The following ARHGAP26 variants were observed in gnomAD, a reference collection of about 807,000 sequenced individuals.
ARHGAP26 encodes the protein Rho GTPase activating protein 26.
Under a neutral mutation model 104.8 loss-of-function variants are expected in ARHGAP26, and 38 were observed. The observed-to-expected ratio is 0.36, with a 90% CI of 0.28 to 0.48. The LOEUF (loss-of-function observed/expected upper bound fraction) is 0.48. Among genes scored for constraint, ARHGAP26 ranks in the 20% least tolerant of loss-of-function variants. The pLI, the probability that ARHGAP26 is intolerant of heterozygous loss-of-function variation, is 0.99. For missense variants in ARHGAP26, 704 were observed against 947.9 expected (o/e 0.74, Z 3.38); for synonymous variants, 341 against 340.0 (o/e 1.00, Z -0.03).
chr5:143,111,938 T>C (rs1562447196), intron 17 of ARHGAP26, among the ~76,000 whole-genome samples: 1 of 152,146 alleles, frequency 6.6e-6, no homozygotes, highest in East Asian at 1.9e-4. Context: ...TTAACCCAGG[T>C]ACCTAGTGCA....
intron 1 of ARHGAP26, among the ~76,000 whole-genome samples, chr5:142,850,005 G>T (rs972091175): frequency 5.9e-5 from 9 of 152,088 alleles, no homozygotes; most frequent in Admixed American, 2.0e-4. Flanking sequence ...TCTAAACTAG[G>T]CCCCAGCCAG....
At chr5:143,209,788 A>T (rs1809151000) in intron 21 of ARHGAP26, among the ~76,000 whole-genome samples, 1 of 152,166 alleles carries the variant, frequency 6.6e-6, no homozygotes, top group South Asian at 2.1e-4. Flanking sequence ...CTCAAAAAAA[A>T]AAAAAATAGT....
At chr5:142,771,071 C>T in intron 1 of ARHGAP26, 156 bp downstream of exon 1, 1 of 1,370,202 alleles carries the variant, frequency 7.3e-7, no homozygotes, top group Non-Finnish European at 9.5e-7. Flanking sequence ...ATACGTAAAG[C>T]GGGCGAACCA....
rs1800115799 is a variant in ARHGAP26, at chr5:143,153,679, A to G, written c.1988+6298A>G. Among the ~76,000 whole-genome samples the G allele has an allele frequency of 3.3e-5, 5 of 152,344 alleles. No individual in the cohort carries two copies. In the South Asian group the frequency reaches 8.3e-4, roughly 25 times the overall value. On this transcript the variant is annotated intron_variant, in intron 20 of 22. Transcript: ENST00000645722. ...CTGGGATGATTACTGCAATGATGGA[A>G]CCCAACCTTGGAGTTCTCTCTGCCT...
At chr5:143,097,272 G>T (rs1343058155) in intron 17 of ARHGAP26, among the ~76,000 whole-genome samples, 1 of 150,454 alleles carries the variant, frequency 6.6e-6, no homozygotes, top group Non-Finnish European at 1.5e-5. Context: ...TTGAACCTGG[G>T]ACGTGGAGGT....
rs914593091 is a variant in ARHGAP26, at chr5:143,228,018, G to A, written c.*5572G>A. The A allele has an allele frequency of 1.4e-5, 3 of 220,214 alleles. No individual in the cohort carries two copies. The highest frequency in any genetic ancestry group is 2.2e-5 in the African/African-American group (1 of 44,606). 13.6% of individuals were successfully genotyped at this position (220,214 alleles called of 1,614,324 possible). The stretch of plus-strand genomic sequence containing the variant: ...GTGTGGGTATGACATGACATGACAT[G>A]TCCATGTCAAAATTCACTTTAGTCA... On this transcript the variant is annotated 3_prime_UTR_variant, in exon 23 of 23. Transcript: ENST00000645722.
chr5:142,924,792 T>C (rs1341956875), intron 10 of ARHGAP26, among the ~76,000 whole-genome samples: 1 of 152,238 alleles, frequency 6.6e-6, no homozygotes, highest in African/African-American at 2.4e-5. Flanking sequence ...TGCCTTCCAG[T>C]GATGGCACTG....
intron 2 of ARHGAP26, among the ~76,000 whole-genome samples, chr5:142,874,393 G>A (rs1755776072): frequency 6.6e-6 from 1 of 152,238 alleles, no homozygotes; most frequent in Non-Finnish European, 1.5e-5. Context: ...CTGTTGCCAT[G>A]TAGAACATCA....
rs563710178 is a variant in ARHGAP26, at chr5:142,838,118, A to G, written c.155-35282A>G. On this transcript the variant is annotated intron_variant, in intron 1 of 22. Coordinates refer to ENST00000645722, the MANE Select transcript of ARHGAP26 (RefSeq NM_001135608.3). ...CTAAAAATACGAAAATTAGCTGGGCATAGTGGGTGGGCACCTATAATCCCA... is the reference window on the plus strand; with the variant it reads ...CTAAAAATACGAAAATTAGCTGGGCGTAGTGGGTGGGCACCTATAATCCCA... Among the ~76,000 whole-genome samples, 218 of 152,252 alleles carry G rather than the reference A, an allele frequency of 1.4e-3. No homozygotes were observed. In the South Asian group the frequency reaches 0.021, roughly 15 times the overall value.
chr5:142,843,819 G>T (rs933738778), intron 1 of ARHGAP26, among the ~76,000 whole-genome samples: 1 of 152,080 alleles, frequency 6.6e-6, no homozygotes, highest in African/African-American at 2.4e-5. Flanking sequence ...TCTGCAGAAG[G>T]TGACACTGTG....
chr5:143,104,276 G>A (rs190981375), intron 17 of ARHGAP26, among the ~76,000 whole-genome samples: 124 of 152,216 alleles, frequency 8.1e-4, no homozygotes, highest in African/African-American at 2.8e-3. Flanking sequence ...CTGGGAAGCC[G>A]AAGCAGGTGG....
intron 17 of ARHGAP26, among the ~76,000 whole-genome samples, chr5:143,069,546 A>G (rs1008008045): frequency 8.5e-5 from 13 of 152,226 alleles, no homozygotes; most frequent in African/African-American, 2.9e-4. Flanking sequence ...CTAAGGCGGT[A>G]GTTGGGGACT....
intron 1 of ARHGAP26, among the ~76,000 whole-genome samples, chr5:142,805,106 CTT>C (rs532679996): frequency 1.2e-4 from 17 of 139,194 alleles, no homozygotes; most frequent in Admixed American, 2.9e-4. Context: ...CCTTTCTTTT[CTT>C]TTTTTTTTTT....
intron 10 of ARHGAP26, among the ~76,000 whole-genome samples, chr5:142,928,461 G>T (rs373290768): frequency 3.9e-5 from 6 of 152,038 alleles, no homozygotes; most frequent in African/African-American, 1.2e-4. Context: ...ATTTAATCCC[G>T]TGCAGGAGCT....
intron 11 of ARHGAP26, among the ~76,000 whole-genome samples, chr5:142,988,852 G>GA (rs879893117): frequency 1.5e-4 from 23 of 152,218 alleles, no homozygotes; most frequent in Non-Finnish European, 3.2e-4. Flanking sequence ...TGTGGTCTGA[G>GA]AGACAGTTTG....
intron 15 of ARHGAP26, 149 bp downstream of exon 15, chr5:143,054,675 G>A (rs1299227162): frequency 1.8e-6 from 1 of 570,082 alleles, no homozygotes; most frequent in African/African-American, 1.9e-5. Context: ...AGCTCAGCTG[G>A]TCAAACCAAT....
chr5:142,921,428 G>A (rs1384355618), intron 10 of ARHGAP26: 3 of 166,612 alleles, frequency 1.8e-5, no homozygotes, highest in Non-Finnish European at 2.9e-5. Flanking sequence ...TGAGGCCATG[G>A]TAAACTATTG....
chr5:143,108,127 G>A (rs1365041574), intron 17 of ARHGAP26, among the ~76,000 whole-genome samples: 1 of 152,202 alleles, frequency 6.6e-6, no homozygotes. Context: ...ATGATTTAGT[G>A]CAGCAAGGAG....
chr5:142,991,163 T>C (rs1207841009), intron 11 of ARHGAP26, among the ~76,000 whole-genome samples: 1 of 152,162 alleles, frequency 6.6e-6, no homozygotes. Context: ...TCAGCAAAGG[T>C]GGATGCCCCT....
Sources: gnomAD v4.1 joint callset for allele counts (sites outside exome capture counted in the v4.1 genomes callset) on GRCh38, gnomAD v4.1.1 for gene constraint, MANE v1.5 for transcripts, NCBI Gene and HGNC (gene_info 2026-07-23, HGNC 2026-07-21) for gene names.